Variants in TPH2 observed in about 807,000 individuals in gnomAD.
The protein encoded by TPH2 is tryptophan hydroxylase 2.
A neutral mutation model predicts 59.1 loss-of-function variants in TPH2; 27 were observed. That is an observed-to-expected ratio of 0.46 (90% confidence interval 0.34 to 0.63). The LOEUF (loss-of-function observed/expected upper bound fraction) is 0.63. Ranked by LOEUF, TPH2 falls within the 30% of genes least tolerant of loss-of-function variation. The pLI, the probability that TPH2 is intolerant of heterozygous loss-of-function variation, is 0.01. For missense variants in TPH2, 523 were observed against 588.3 expected (o/e 0.89, Z 1.15); for synonymous variants, 220 against 210.5 (o/e 1.05, Z -0.39).
At chr12:72,019,127 A>AT (rs1873342283) in intron 8 of TPH2, among the ~76,000 whole-genome samples, 1 of 152,082 alleles carries the variant, frequency 6.6e-6, no homozygotes, top group South Asian at 2.1e-4. Flanking sequence ...TTCAACATGT[A>AT]TTTACATTAT....
At chr12:71,953,429 TGG>T (rs1871407746) in intron 5 of TPH2, among the ~76,000 whole-genome samples, 1 of 151,730 alleles carries the variant, frequency 6.6e-6, no homozygotes, top group Non-Finnish European at 1.5e-5. Flanking sequence ...ATGGTGCTGG[TGG>T]GGGTGGGGCA....
rs1873442884 is a variant in TPH2 at position 72,022,382 on chromosome 12, T to C, written c.1069-17T>C. On this transcript the variant is annotated splice_polypyrimidine_tract_variant and intron_variant, in intron 8 of 10. Coordinates refer to ENST00000333850, the MANE Select transcript of TPH2 (RefSeq NM_173353.4). Reference sequence around the variant, plus strand: ...CTCATTGACCAGTTCACTGAATATGTGTTCGTTTTTCTTCAGTGCTATTTC... The same window carrying C: ...CTCATTGACCAGTTCACTGAATATGCGTTCGTTTTTCTTCAGTGCTATTTC... 1.3e-6 allele frequency: 2 copies of C among 1,594,118 alleles called. No homozygotes were observed. The highest frequency in any genetic ancestry group is 1.7e-5 in the Admixed American group (1 of 59,984).
intron 8 of TPH2, among the ~76,000 whole-genome samples, chr12:71,995,553 T>C (rs1387203101): frequency 6.6e-6 from 1 of 152,228 alleles, no homozygotes; most frequent in African/African-American, 2.4e-5. Context: ...TTCCTACTTT[T>C]GATAAAAATA....
At position 71,938,993 on chromosome 12, in the gene TPH2, C is replaced by G. The variant is rs935519284; in HGVS notation, c.7C>G (p.Pro3Ala). The change falls in exon 1 of 11, where the codon CCA (proline) becomes GCA (alanine). Residue 3 changes from proline to alanine, a missense_variant. Physicochemically the swap from Pro to Ala is conservative, Grantham distance 27 (BLOSUM62 -1). Transcript: ENST00000333850. MQ[P>A]AMMMFSSKYW... ...GAATATTACACCGGGATCCATGCAG[C>G]CAGCAATGATGATGTTTTCCAGTAA... 6.2e-7 allele frequency: 1 copy of G among 1,613,670 alleles called. No individual in the cohort carries two copies. Among genetic ancestry groups the G allele is most frequent in the African/African-American group, 1.3e-5 (1 of 74,912 alleles).
At chr12:71,995,024 T>C (rs922445301) in intron 8 of TPH2, among the ~76,000 whole-genome samples, 6 of 152,158 alleles carry the variant, frequency 3.9e-5, no homozygotes, top group Admixed American at 3.9e-4. Context: ...GGTATACATA[T>C]ATGATAAAGT....
chr12:72,022,453 G>A lies in TPH2; in HGVS notation c.1123G>A (p.Ala375Thr). ...GLCKQEGQLR[A>T]YGAGLLSSIG... ...TTGCAAGCAAGAAGGGCAACTGCGG[G>A]CATATGGAGCAGGACTCCTTTCCTC... is the stretch of plus-strand genomic sequence containing the variant. Residue 375 changes from alanine (A) to threonine (T), a missense_variant, in exon 9 of 11, where the codon GCA (alanine) becomes ACA (threonine). Ala to Thr is a moderately conservative substitution (Grantham distance 58). Transcript: ENST00000333850. 6.2e-7 allele frequency: 1 copy of A among 1,614,034 alleles called. No homozygotes were observed. Among genetic ancestry groups the A allele is most frequent in the South Asian group, 1.1e-5 (1 of 91,084 alleles).
chr12:71,988,298 G>A (rs954524812), intron 7 of TPH2, among the ~76,000 whole-genome samples: 4 of 152,268 alleles, frequency 2.6e-5, no homozygotes, highest in Non-Finnish European at 5.9e-5. Flanking sequence ...CAGAAATGGT[G>A]GGTGTATTAG....
intron 5 of TPH2, chr12:71,961,652 C>T (rs551179913): frequency 7.4e-7 from 1 of 1,352,066 alleles, no homozygotes; most frequent in Non-Finnish European, 9.8e-7. Flanking sequence ...TGAGCGTGCA[C>T]ATATTGATGG....
chr12:71,994,346 G>A, intron 7 of TPH2, 93 bp from the exon 8 acceptor site: 1 of 1,384,908 alleles, frequency 7.2e-7, no homozygotes, highest in Non-Finnish European at 1.0e-6. Flanking sequence ...TAATTACAGT[G>A]ACAAGGTCTT....
At chr12:71,947,056 A>C (rs993952671) in intron 4 of TPH2, among the ~76,000 whole-genome samples, 1 of 152,204 alleles carries the variant, frequency 6.6e-6, no homozygotes, top group Non-Finnish European at 1.5e-5. Context: ...CTTGATGCTC[A>C]TCTGAAGCCT....
chr12:71,941,507 A>G (rs2139176021), intron 1 of TPH2, 77 bp from the exon 2 acceptor site: 5 of 1,532,494 alleles, frequency 3.3e-6, no homozygotes, highest in Non-Finnish European at 4.4e-6. Flanking sequence ...AATGACATGT[A>G]TGGGAAAAAT....
intron 7 of TPH2, among the ~76,000 whole-genome samples, chr12:71,988,447 T>C (rs1372422269): frequency 6.6e-6 from 1 of 152,076 alleles, no homozygotes; most frequent in Admixed American, 6.5e-5. Context: ...AAGCTTCCAA[T>C]CATGATGGAA....
chr12:72,022,593 TC>T, intron 9 of TPH2, 99 bp downstream of exon 9: 1 of 969,922 alleles, frequency 1.0e-6, no homozygotes, highest in Non-Finnish European at 1.6e-6. Flanking sequence ...TCACAGATAC[TC>T]CATAAATATT....
At chr12:71,986,281 TA>T (rs1872431862) in intron 7 of TPH2, among the ~76,000 whole-genome samples, 3 of 152,162 alleles carry the variant, frequency 2.0e-5, no homozygotes, top group Non-Finnish European at 4.4e-5. Context: ...CGGCACCTCT[TA>T]AATTCATGTG....
intron 9 of TPH2, among the ~76,000 whole-genome samples, chr12:72,027,360 A>G (rs764996120): frequency 4.6e-5 from 7 of 152,212 alleles, no homozygotes; most frequent in Non-Finnish European, 7.3e-5. Flanking sequence ...ATTAGTGATG[A>G]TAACTAAATA....
intron 8 of TPH2, among the ~76,000 whole-genome samples, chr12:72,005,663 G>T (rs1034492392): frequency 6.6e-6 from 1 of 152,142 alleles, no homozygotes; most frequent in Non-Finnish European, 1.5e-5. Context: ...AATAAATTGG[G>T]TATATTCTAG....
At chr12:71,982,877 G>C (rs900111875) in intron 7 of TPH2, among the ~76,000 whole-genome samples, 9 of 152,162 alleles carry the variant, frequency 5.9e-5, no homozygotes, top group Non-Finnish European at 2.9e-5. Flanking sequence ...CTTTCAGTCT[G>C]GTAGAATGTA....
chr12:72,007,582 T>C (rs925664032), intron 8 of TPH2, among the ~76,000 whole-genome samples: 1 of 152,166 alleles, frequency 6.6e-6, no homozygotes, highest in Non-Finnish European at 1.5e-5. Context: ...AGATGTTGTT[T>C]GCTCTAGTTT....
At chr12:71,987,414 G>A (rs569389685) in intron 7 of TPH2, among the ~76,000 whole-genome samples, 20 of 152,232 alleles carry the variant, frequency 1.3e-4, no homozygotes, top group African/African-American at 4.6e-4. Context: ...TCCTTTTTAA[G>A]TGATAAAGTA....
Sources: gnomAD v4.1 joint callset for allele counts (sites outside exome capture counted in the v4.1 genomes callset) on GRCh38, gnomAD v4.1.1 for gene constraint, MANE v1.5 for transcripts, NCBI Gene and HGNC (gene_info 2026-07-23, HGNC 2026-07-21) for gene names.